Variants in UNC93B1 observed in about 807,000 individuals in gnomAD.
UNC93B1 encodes protein unc-93 homolog B1.
A neutral mutation model predicts 56.8 loss-of-function variants in UNC93B1; 33 were observed. The observed-to-expected ratio is 0.58, with a 90% confidence interval of 0.44 to 0.78. UNC93B1 has a LOEUF of 0.78. UNC93B1 is among the 30% of genes least tolerant of loss of function. The pLI, the probability that UNC93B1 is intolerant of heterozygous loss-of-function variation, is 0.00. For synonymous variants in UNC93B1, 334 were observed against 358.6 expected, an observed-to-expected ratio of 0.93 and a Z score of 0.77; for missense variants, 673 against 819.5, an observed-to-expected ratio of 0.82 and a Z score of 2.18.
chr11:67,997,990 G>C (rs957651609), intron 6 of UNC93B1, among the ~76,000 whole-genome samples, 191 bp from the exon 7 acceptor site: 1 of 152,346 alleles, frequency 6.6e-6, no homozygotes, highest in Non-Finnish European at 1.5e-5. Flanking sequence ...ACTGGGGCTG[G>C]GTGTTCCCCG....
chr11:68,003,213 C>T lies in UNC93B1; in HGVS notation c.239-38G>A, dbSNP rs1415751783. 2 of 1,576,414 alleles carry T rather than the reference C, an allele frequency of 1.3e-6. No individual in the cohort carries two copies. Among genetic ancestry groups the T allele is most frequent in the Non-Finnish European group, 1.7e-6 (2 of 1,166,866 alleles). On this transcript the variant is annotated intron_variant, in intron 2 of 10. Transcript: ENST00000227471. The surrounding 1 kb of genome is among the most constrained non-coding windows in gnomAD (Gnocchi z 4.4). ...CAGAGAGCGGCGTGCAGGGAGCAGCCTAGCTTTGGGCGCCACCGAGCAGAA... is the reference window on the plus strand; with the variant it reads ...CAGAGAGCGGCGTGCAGGGAGCAGCTTAGCTTTGGGCGCCACCGAGCAGAA...
In UNC93B1 at chr11:67,991,805, A is replaced by C. The variant is rs1856848440; in HGVS notation, c.1535T>G (p.Leu512Arg). The change falls in exon 11 of 11, where the codon CTG becomes CGG. Residue 512 changes from leucine (L) to arginine (R), a missense_variant. Coordinates refer to ENST00000227471, the MANE Select transcript of UNC93B1 (RefSeq NM_030930.4). ...VTLVAAAVSYLRMEQKLRRGV... is the reference protein window; with the variant it reads ...VTLVAAAVSYRRMEQKLRRGV... The stretch of plus-strand genomic sequence containing the variant: ...CCGGCGCAGCTTCTGCTCCATCCGC[A>C]GGTAGGAGACCGCGGCCGCCACCAG... 5.1e-6 allele frequency: 8 copies of C among 1,556,040 alleles called. No individual in the cohort carries two copies. Among genetic ancestry groups the C allele is most frequent in the Non-Finnish European group, 6.9e-6 (8 of 1,159,960 alleles).
At chr11:67,996,266 C>T (rs1363847995) in intron 8 of UNC93B1, among the ~76,000 whole-genome samples, 3 of 152,020 alleles carry the variant, frequency 2.0e-5, no homozygotes, top group Non-Finnish European at 4.4e-5. Context: ...CCCTGCCCTC[C>T]CTGGACTGCC....
Position 68,003,314 on chromosome 11 carries a change from G to A in UNC93B1, c.239-139C>T. 3.5e-6 allele frequency: 4 copies of A among 1,136,280 alleles called. No individual in the cohort carries two copies. The highest frequency in any genetic ancestry group is 3.6e-6 in the Non-Finnish European group (3 of 838,602). 70.4% of individuals were successfully genotyped at this position (1,136,280 alleles called of 1,614,324 possible). On this transcript the variant is annotated intron_variant, in intron 2 of 10. Transcript: ENST00000227471. This position sits in a 1 kb window ranked among gnomAD's most constrained non-coding sequence, Gnocchi z 4.4. ...TGACAGCGCCCCTCAGGACAGCGGG[G>A]TTCCCGGGCTGCGCCACGCCTTCTG...
At chr11:67,995,582 C>T in intron 9 of UNC93B1, 29 bp downstream of exon 9, 1 of 212,066 alleles carries the variant, frequency 4.7e-6, no homozygotes, top group South Asian at 2.6e-4. Context: ...CCCCGCCCCC[C>T]CCCCCCCAGT....
chr11:67,996,386 G>A (rs909158582), intron 8 of UNC93B1, among the ~76,000 whole-genome samples: 6 of 152,094 alleles, frequency 3.9e-5, no homozygotes, highest in Non-Finnish European at 5.9e-5. Flanking sequence ...CACTCTGTGG[G>A]TGCTATCCCA....
Position 67,997,813 on chromosome 11 carries a change from G to T in UNC93B1, c.782-14C>A, listed in dbSNP as rs1310108344. The T allele has an allele frequency of 1.2e-6, 2 of 1,603,596 alleles. No individual in the cohort carries two copies. Among genetic ancestry groups the T allele is most frequent in the Non-Finnish European group, 1.7e-6 (2 of 1,178,808 alleles). ...GGCTGTTGGTGCCTGGGAAGGGTGG[G>T]GGTGAGGGCACCGTGAGCAGAGAGT... On this transcript the variant is annotated splice_polypyrimidine_tract_variant and intron_variant, in intron 6 of 10. Coordinates refer to ENST00000227471, the MANE Select transcript of UNC93B1 (RefSeq NM_030930.4).
At position 67,997,848 on chromosome 11, in the gene UNC93B1, A is replaced by G. The variant is rs1312262908; in HGVS notation, c.782-49T>C. ...ACCGTGAGCAGAGAGTAGGGCACAC[A>G]GTCAATCCAGCCACCAGGGTGGAGC... is the stretch of plus-strand genomic sequence containing the variant. On this transcript the variant is annotated intron_variant, in intron 6 of 10. Coordinates refer to ENST00000227471, the MANE Select transcript of UNC93B1 (RefSeq NM_030930.4). 1.9e-6 allele frequency: 3 copies of G among 1,586,962 alleles called. No individual in the cohort carries two copies. In the African/African-American group the frequency reaches 4.0e-5, roughly 21 times the overall value.
At chr11:67,993,007 C>T (rs202051428) in intron 10 of UNC93B1, among the ~76,000 whole-genome samples, 2 of 151,608 alleles carry the variant, frequency 1.3e-5, no homozygotes, top group Non-Finnish European at 2.9e-5. Context: ...TATTTTGAGA[C>T]GGAGTTTCGC....
chr11:67,992,947 G>A (rs1383019090), intron 10 of UNC93B1, among the ~76,000 whole-genome samples: 3 of 152,156 alleles, frequency 2.0e-5, no homozygotes, highest in African/African-American at 7.2e-5. Context: ...ACAGGCGTGA[G>A]CCACTACTGC....
intron 6 of UNC93B1, 41 bp downstream of exon 6, chr11:67,998,318 A>C: frequency 6.2e-7 from 1 of 1,607,082 alleles, no homozygotes; most frequent in Non-Finnish European, 8.5e-7. Flanking sequence ...GGAAGTAAGC[A>C]GGCTTTGTGG....
At chr11:68,002,138 C>CAA (rs796980583) in intron 3 of UNC93B1, among the ~76,000 whole-genome samples, 1 of 135,208 alleles carries the variant, frequency 7.4e-6, no homozygotes, top group African/African-American at 2.7e-5. Flanking sequence ...GTATCTGTCT[C>CAA]AAAAAAAAAA....
chr11:67,995,039 G>C (rs1211155352), intron 9 of UNC93B1, among the ~76,000 whole-genome samples: 2 of 152,190 alleles, frequency 1.3e-5, no homozygotes, highest in Non-Finnish European at 2.9e-5. Context: ...CTGGGTTGGG[G>C]CTGCAGGCCT....
rs1237970574 is a variant in UNC93B1, at chr11:68,003,139, T to C, written c.275A>G (p.Glu92Gly). The C allele has an allele frequency of 1.9e-6, 3 of 1,613,158 alleles. No homozygotes were observed. The highest frequency in any genetic ancestry group is 1.7e-5 in the Admixed American group (1 of 59,994). ...LQMQLILHYD[E>G]TYREVKYGNM... ...GCCATACTTCACCTCGCGGTAGGTC[T>C]CGTCGTAGTGCAGGATCAGCTGCAT... Residue 92 changes from glutamate to glycine, a missense_variant, in exon 3 of 11, where the codon GAG (glutamate) becomes GGG (glycine). This residue lies in a region of UNC93B1 where 438 missense variants were observed against 465.9 expected (regional missense o/e 0.94). Coordinates refer to ENST00000227471, the MANE Select transcript of UNC93B1 (RefSeq NM_030930.4). This position sits in a 1 kb window ranked among gnomAD's most constrained non-coding sequence, Gnocchi z 4.4.
Position 67,999,679 on chromosome 11 carries a change from A to G in UNC93B1, c.394T>C (p.Phe132Leu). The G allele has an allele frequency of 6.2e-7, 1 of 1,610,444 alleles. No individual in the cohort carries two copies. Among genetic ancestry groups the G allele is most frequent in the Non-Finnish European group, 8.5e-7 (1 of 1,178,642 alleles). Reference sequence around the variant, plus strand: ...AACATCATCCACTTCGTTCCAAAAAACCTGCGGACAGTGGGAGAGATGCTG... The same window carrying G: ...AACATCATCCACTTCGTTCCAAAAAGCCTGCGGACAGTGGGAGAGATGCTG... Reference protein sequence around the residue: ...ALLYTPVLIRFFGTKWMMFLA... With the variant: ...ALLYTPVLIRLFGTKWMMFLA... Residue 132 changes from phenylalanine (F) to leucine (L), a missense_variant and splice_region_variant, in exon 4 of 11, where the codon TTT becomes CTT. By Grantham distance (22) the Phe-to-Leu change is conservative. Transcript: ENST00000227471.
chr11:67,999,984 G>A (rs1857020253), intron 3 of UNC93B1, among the ~76,000 whole-genome samples: 1 of 152,240 alleles, frequency 6.6e-6, no homozygotes, highest in Non-Finnish European at 1.5e-5. Context: ...TGGGCTCTCT[G>A]ATTCTCCCAT....
At chr11:67,996,470 A>G (rs1590760615) in intron 8 of UNC93B1, 132 bp downstream of exon 8, 2 of 1,246,598 alleles carry the variant, frequency 1.6e-6, no homozygotes, top group East Asian at 5.4e-5. Flanking sequence ...AAGAGAAAGC[A>G]GGAGGGGGAT....
chr11:67,999,977 GCT>G (rs1248318011), intron 3 of UNC93B1, among the ~76,000 whole-genome samples: 1 of 152,198 alleles, frequency 6.6e-6, no homozygotes, highest in Non-Finnish European at 1.5e-5. Context: ...CGTGTTCTGG[GCT>G]CTCTGATTCT....
In UNC93B1 at chr11:68,003,693, T is replaced by C; in HGVS notation, c.202A>G (p.Ser68Gly). Reference protein sequence around the residue: ...LGVLKNVLAASAGGMLTYGVY... With the variant: ...LGVLKNVLAAGAGGMLTYGVY... ...CCGTAGGTGAGCATGCCCCCGGCGC[T>C]GGCAGCCAGCACGTTCTTGAGCACG... Residue 68 changes from serine (S) to glycine (G), a missense_variant, in exon 2 of 11, where the codon AGC becomes GGC. Physicochemically the swap from Ser to Gly is moderately conservative, Grantham distance 56. Coordinates refer to ENST00000227471, the MANE Select transcript of UNC93B1 (RefSeq NM_030930.4). This position sits in a 1 kb window ranked among gnomAD's most constrained non-coding sequence, Gnocchi z 4.4. The C allele has an allele frequency of 6.5e-7, 1 of 1,529,724 alleles. No individual in the cohort carries two copies. Among genetic ancestry groups the C allele is most frequent in the Non-Finnish European group, 8.7e-7 (1 of 1,143,374 alleles). The allele number at this position is 1,529,724 out of a possible 1,614,324, so 94.8% of individuals were successfully genotyped here. A position where few individuals can be genotyped will look rare whatever the true frequency, so the allele number is the denominator to read the frequency against.
Sources: allele counts gnomAD v4.1 joint callset (sites outside exome capture counted in the v4.1 genomes callset), GRCh38; gene constraint gnomAD v4.1.1; regional missense constraint gnomAD v4.1.1; non-coding constraint Gnocchi (gnomAD v3.1); transcripts MANE v1.5; gene names NCBI Gene and HGNC (gene_info 2026-07-23, HGNC 2026-07-21).